TIAM1: variants seen among roughly 807,000 people sequenced by gnomAD.
The protein encoded by TIAM1 is rho guanine nucleotide exchange factor TIAM1.
A neutral mutation model predicts 163.5 loss-of-function variants in TIAM1; 65 were observed. The ratio of observed to expected loss-of-function variants is 0.40; its 90% CI spans 0.33 to 0.49. The LOEUF (loss-of-function observed/expected upper bound fraction) is 0.49, where lower values mean the gene tolerates loss of function less well. TIAM1 is among the 20% of genes least tolerant of loss of function. TIAM1 has a pLI of 0.77. For synonymous variants in TIAM1, 833 were observed against 810.1 expected, an observed-to-expected ratio of 1.03 and a Z score of -0.48; for missense variants, 1,789 against 2,044.7, an observed-to-expected ratio of 0.87 and a Z score of 2.41.
At chr21:31,431,312 G>C (rs1176950479) in intron 2 of TIAM1, among the ~76,000 whole-genome samples, 2 of 152,084 alleles carry the variant, frequency 1.3e-5, no homozygotes, top group Non-Finnish European at 2.9e-5. Flanking sequence ...CCAGCTGTAG[G>C]GCTTGTTAAA....
chr21:31,219,205 C>T (rs184254252), intron 8 of TIAM1, among the ~76,000 whole-genome samples: 129 of 150,314 alleles, frequency 8.6e-4, no homozygotes, highest in African/African-American at 2.8e-3. Context: ...CCAGGCAAAA[C>T]ATTCAGGCTT....
At chr21:31,474,607 G>A (rs1602370025) in intron 1 of TIAM1, among the ~76,000 whole-genome samples, 3 of 149,686 alleles carry the variant, frequency 2.0e-5, no homozygotes, top group East Asian at 2.0e-4. Flanking sequence ...GTGCAATGAC[G>A]TGATCTCGGC....
upstream of TIAM1, among the ~76,000 whole-genome samples, chr21:31,347,991 T>A (rs1304947206): frequency 1.3e-5 from 2 of 152,200 alleles, no homozygotes; most frequent in Admixed American, 6.5e-5. Context: ...GTTAAACTTC[T>A]TTTTCCCTTT....
At chr21:31,470,052 G>T (rs2045685892) in intron 1 of TIAM1, among the ~76,000 whole-genome samples, 2 of 148,756 alleles carry the variant, frequency 1.3e-5, no homozygotes, top group South Asian at 4.3e-4. Context: ...CACCCAGGCT[G>T]GAGTGCAGTG....
At chr21:31,427,841 A>G (rs2043852087) in intron 2 of TIAM1, among the ~76,000 whole-genome samples, 1 of 152,184 alleles carries the variant, frequency 6.6e-6, no homozygotes, top group Non-Finnish European at 1.5e-5. Context: ...CTCAAAAACA[A>G]TAAATAAATT....
intron 15 of TIAM1, among the ~76,000 whole-genome samples, chr21:31,172,020 C>T (rs1343495853): frequency 6.6e-6 from 1 of 152,216 alleles, no homozygotes; most frequent in Non-Finnish European, 1.5e-5. Flanking sequence ...CTGGCCCAAA[C>T]TGCTGAGCCA....
chr21:31,436,960 CAATAAA>C (rs1432556633), intron 2 of TIAM1, among the ~76,000 whole-genome samples: 2 of 151,702 alleles, frequency 1.3e-5, no homozygotes, highest in Admixed American at 6.6e-5. Context: ...TCCATCTCAA[CAATAAA>C]AATAAAAATA....
chr21:31,352,442 T>C (rs923224136), intron 2 of TIAM1, among the ~76,000 whole-genome samples: 11 of 151,660 alleles, frequency 7.3e-5, no homozygotes, highest in African/African-American at 2.2e-4. Flanking sequence ...TACTTAAAAA[T>C]AGTTAAAATG....
rs979201216 is a variant in TIAM1 at position 31,210,149 on chromosome 21, C to T, written c.2284G>A (p.Glu762Lys). ...CAGAACCAGGATGGAGTGAAATACT[C>T]GTGGACCCAAATGTCGCAGTCAGGG... ...HNPDCDIWVHEYFTPSWFCLP... is the reference protein window; with the variant it reads ...HNPDCDIWVHKYFTPSWFCLP... Residue 762 changes from glutamate (E) to lysine (K), a missense_variant, in exon 11 of 28, where the codon GAG (glutamate) becomes AAG (lysine). By Grantham distance (56) the Glu-to-Lys change is moderately conservative. Around this residue, in one of 5 missense-constraint regions of TIAM1, gnomAD observed 456 missense variants for 586.6 expected, o/e 0.78. Transcript: ENST00000541036. 1.2e-6 allele frequency: 2 copies of T among 1,614,002 alleles called. No individual in the cohort carries two copies. The highest frequency in any genetic ancestry group is 1.7e-6 in the Non-Finnish European group (2 of 1,180,036).
rs953519458 is a variant in TIAM1, at chr21:31,146,350, C to T, written c.3475+545G>A. ...TCAGGAGGCTGAGGCAGAAGAATCG[C>T]TTGACCTGGGAGGTGGAGGTTCCAG... On this transcript the variant is annotated intron_variant, in intron 20 of 27. Coordinates refer to ENST00000541036, the MANE Select transcript of TIAM1 (RefSeq NM_001353694.2). 2.1e-5 allele frequency among the ~76,000 whole-genome samples: 3 copies of T among 144,162 alleles called. No homozygotes were observed. The South Asian group carries it at 6.8e-4, about 33-fold the overall frequency. The allele number at this position is 144,162 out of a possible 152,430, so 94.6% of individuals were successfully genotyped here.
At chr21:31,228,678 AT>A (rs1372849280) in intron 6 of TIAM1, among the ~76,000 whole-genome samples, 17 of 152,370 alleles carry the variant, frequency 1.1e-4, no homozygotes, top group African/African-American at 3.8e-4. Flanking sequence ...AAGGAATCAG[AT>A]GCACTGCAGT....
At chr21:31,413,893 G>A (rs34117483) in intron 2 of TIAM1, among the ~76,000 whole-genome samples, 16,944 of 152,076 alleles carry the variant, frequency 0.11, 1,308 homozygotes, top group African/African-American at 0.21. Flanking sequence ...CAGTCCCCCC[G>A]CAACACGAGC....
At chr21:31,188,449 A>G (rs1045545301) in intron 13 of TIAM1, among the ~76,000 whole-genome samples, 6 of 152,230 alleles carry the variant, frequency 3.9e-5, no homozygotes, top group Non-Finnish European at 7.3e-5. Context: ...GAAATTAAAA[A>G]AAAATCTATT....
intron 11 of TIAM1, among the ~76,000 whole-genome samples, chr21:31,209,119 C>T (rs1368783230): frequency 1.3e-5 from 2 of 152,088 alleles, no homozygotes; most frequent in Non-Finnish European, 2.9e-5. Flanking sequence ...AGAAGCCAGA[C>T]GTGGGTTCAG....
At chr21:31,497,022 GA>G (rs1448455284) in intron 1 of TIAM1, among the ~76,000 whole-genome samples, 1 of 152,136 alleles carries the variant, frequency 6.6e-6, no homozygotes, top group African/African-American at 2.4e-5. Context: ...CCACTGATCT[GA>G]CAAAAGGTAG....
intron 1 of TIAM1, among the ~76,000 whole-genome samples, chr21:31,343,414 C>G (rs1198442492): frequency 6.6e-6 from 1 of 152,154 alleles, no homozygotes; most frequent in Non-Finnish European, 1.5e-5. Flanking sequence ...CACCTTCCAC[C>G]CAAACTTCCT....
intron 1 of TIAM1, among the ~76,000 whole-genome samples, chr21:31,501,461 T>C (rs2046845658): frequency 6.6e-6 from 1 of 152,178 alleles, no homozygotes; most frequent in African/African-American, 2.4e-5. Context: ...AAAAGTGACC[T>C]TTGGGCCTGA....
chr21:31,127,287 C>G (rs1034634183), intron 25 of TIAM1, 135 bp from the exon 26 acceptor site: 1 of 760,216 alleles, frequency 1.3e-6, no homozygotes, highest in South Asian at 1.8e-5. Context: ...TATTTTCCTA[C>G]TATTTCACAA....
intron 5 of TIAM1, among the ~76,000 whole-genome samples, chr21:31,248,856 C>T (rs575341287): frequency 9.2e-5 from 14 of 152,256 alleles, no homozygotes; most frequent in Non-Finnish European, 5.9e-5. Context: ...GACTCCCTTC[C>T]CTAAAGGGCC....
Sources: gnomAD v4.1 joint callset for allele counts (sites outside exome capture counted in the v4.1 genomes callset) on GRCh38, gnomAD v4.1.1 for gene constraint, gnomAD v4.1.1 regional missense constraint, MANE v1.5 for transcripts, NCBI Gene and HGNC (gene_info 2026-07-23, HGNC 2026-07-21) for gene names.